MUC20: variants seen among roughly 807,000 people sequenced by gnomAD.
The protein encoded by MUC20 is mucin-20.
MUC20 carries 14 observed loss-of-function variants against 23.8 expected under a neutral mutation model. That is an observed-to-expected ratio of 0.59 (90% CI 0.39 to 0.92). The LOEUF is 0.92. Among genes scored for constraint, MUC20 ranks in the 40% least tolerant of loss-of-function variants. The probability of loss-of-function intolerance (pLI) is 0.00; values close to 1 mark genes in which losing one functional copy is unlikely to be tolerated. For synonymous variants in MUC20, 166 were observed against 279.3 expected, an observed-to-expected ratio of 0.59 and a Z score of 4.04; for missense variants, 375 against 668.8, an observed-to-expected ratio of 0.56 and a Z score of 4.85.
At chr3:195,728,106 G>A (rs910590141) in intron 2 of MUC20, among the ~76,000 whole-genome samples, 3 of 150,920 alleles carry the variant, frequency 2.0e-5, no homozygotes, top group Non-Finnish European at 2.9e-5. Context: ...AAGTGAAGGG[G>A]TGGCCTGCCC....
At chr3:195,722,590 A>G (rs534697010) in intron 1 of MUC20, 7 of 988,148 alleles carry the variant, frequency 7.1e-6, no homozygotes, top group Middle Eastern at 3.5e-4. Context: ...ACCCCCTTGG[A>G]CCCGAGAGGC....
intron 2 of MUC20, among the ~76,000 whole-genome samples, chr3:195,728,185 A>G (rs1712911279): frequency 6.6e-6 from 1 of 152,406 alleles, no homozygotes; most frequent in Admixed American, 6.5e-5. Context: ...GCACAGAGAC[A>G]AAGTATAGAG....
chr3:195,721,757 G>A (rs1307485533), intron 1 of MUC20: 1 of 152,990 alleles, frequency 6.5e-6, no homozygotes, highest in African/African-American at 2.4e-5. Context: ...GCCGGGCGTG[G>A]TGGCTCACAC....
chr3:195,730,726 C>G (rs919314076), intron 3 of MUC20, among the ~76,000 whole-genome samples: 6 of 152,164 alleles, frequency 3.9e-5, no homozygotes, highest in African/African-American at 1.4e-4. Context: ...GACTGACAAC[C>G]CAGTCAGGAT....
At position 195,726,052 on chromosome 3, in the gene MUC20, A is replaced by G; in HGVS notation, c.1449A>G (p.Thr483=). 6.2e-7 allele frequency: 1 copy of G among 1,613,936 alleles called. No homozygotes were observed. Among genetic ancestry groups the G allele is most frequent in the Non-Finnish European group, 8.5e-7 (1 of 1,179,832 alleles). ...CAGCCTCTGCCGAGACCCTGTCCAC[A>G]GCCGGCACCACAGAGTCAGCTGCAC... ...EVTASAETLS[T]AGTTESAAPD... Residue 483 remains threonine (T), a synonymous_variant, in exon 2 of 4, where the codon ACA becomes ACG. Coordinates refer to ENST00000447234, the MANE Select transcript of MUC20 (RefSeq NM_001282506.2).
chr3:195,726,962 C>T (rs1158443191), intron 2 of MUC20, among the ~76,000 whole-genome samples: 2 of 152,282 alleles, frequency 1.3e-5, no homozygotes, highest in Non-Finnish European at 2.9e-5. Flanking sequence ...GCTCTGGAAG[C>T]TTCTATTCCA....
intron 1 of MUC20, among the ~76,000 whole-genome samples, chr3:195,723,255 T>G (rs1456734761): frequency 2.3e-5 from 3 of 131,838 alleles, no homozygotes; most frequent in Admixed American, 7.4e-5. Context: ...GACAACCAGT[T>G]GGGGACCTGG....
At chr3:195,732,880 G>C (rs1244153451) in intron 3 of MUC20, among the ~76,000 whole-genome samples, 1 of 152,268 alleles carries the variant, frequency 6.6e-6, no homozygotes, top group South Asian at 2.1e-4. Flanking sequence ...GTGAATTCTA[G>C]TTCCCAACTG....
At chr3:195,729,596 G>A (rs2148705982) in intron 2 of MUC20, 52 bp from the exon 3 acceptor site, 8 of 1,510,116 alleles carry the variant, frequency 5.3e-6, no homozygotes, top group South Asian at 4.8e-5. Context: ...GATGACAGGT[G>A]TGAGCCACTG....
intron 3 of MUC20, among the ~76,000 whole-genome samples, chr3:195,730,774 G>A (rs1223911977): frequency 6.6e-6 from 1 of 152,198 alleles, no homozygotes; most frequent in African/African-American, 2.4e-5. Context: ...AAATAGGGAG[G>A]CTAGGCAGAA....
chr3:195,731,355 G>C (rs1713370089), intron 3 of MUC20, among the ~76,000 whole-genome samples: 1 of 152,254 alleles, frequency 6.6e-6, no homozygotes, highest in African/African-American at 2.4e-5. Flanking sequence ...CAGGTGGAAT[G>C]ATTGCCCTTA....
At chr3:195,729,778 G>A (rs1713174110) in intron 3 of MUC20, 39 bp downstream of exon 3, 1 of 1,556,196 alleles carries the variant, frequency 6.4e-7, no homozygotes. Flanking sequence ...GTAGAGGAAG[G>A]GGCGAGGTTC....
In MUC20 at chr3:195,729,674, C is replaced by T. The variant is rs11923495; in HGVS notation, c.1996C>T (p.Arg666Trp). ...AGENGGFLLL[R>W]LSVASPEDLT... The stretch of plus-strand genomic sequence containing the variant: ...TGAAAATGGAGGTTTCCTCCTCCTG[C>T]GGCTGAGTGTGGCTTCCCCGGAAGA... The change falls in exon 3 of 4, where the codon CGG becomes TGG. Residue 666 changes from arginine to tryptophan, a missense_variant. Physicochemically the swap from Arg to Trp is moderately radical, Grantham distance 101. Around this residue, in one of 4 missense-constraint regions of MUC20, gnomAD observed 343 missense variants for 340.2 expected, o/e 1.01. Coordinates refer to ENST00000447234, the MANE Select transcript of MUC20 (RefSeq NM_001282506.2). 0.023 allele frequency: 35,920 copies of T among 1,582,188 alleles called. 203 individuals carry two copies. Among genetic ancestry groups the T allele is most frequent in the African/African-American group, 0.14 (10,410 of 71,932 alleles).
At chr3:195,721,550 T>C (rs1359287886) in intron 1 of MUC20, among the ~76,000 whole-genome samples, 1 of 151,484 alleles carries the variant, frequency 6.6e-6, no homozygotes, top group African/African-American at 2.4e-5. Flanking sequence ...AAAATACAGA[T>C]TTCGTGTGAA....
In MUC20 at chr3:195,723,969, A is replaced by G. The variant is rs1366775575; in HGVS notation, c.77-711A>G. On this transcript the variant is annotated intron_variant, in intron 1 of 3. Transcript: ENST00000447234. The stretch of plus-strand genomic sequence containing the variant: ...AAGTGCTGGCAGCCGCTCTCTGAAA[A>G]GCTAGGTGTTGCCTCAGGGTCTCCC... Among the ~76,000 whole-genome samples the G allele has an allele frequency of 6.8e-5, 2 of 29,274 alleles. 1 individual carries two copies. The highest frequency in any genetic ancestry group is 1.2e-4 in the Non-Finnish European group (2 of 16,884). 19.2% of individuals were successfully genotyped at this position (29,274 alleles called of 152,430 possible).
At chr3:195,729,160 C>T (rs371460144) in intron 2 of MUC20, among the ~76,000 whole-genome samples, 4 of 152,228 alleles carry the variant, frequency 2.6e-5, no homozygotes, top group East Asian at 1.9e-4. Context: ...TGGAAAGGTA[C>T]GAAAAGGTTC....
Position 195,730,597 on chromosome 3 carries a change from G to C in MUC20, c.2061+858G>C, listed in dbSNP as rs375673520. Among the ~76,000 whole-genome samples, 4 of 152,000 alleles carry C rather than the reference G, an allele frequency of 2.6e-5. No individual in the cohort carries two copies. In the East Asian group the frequency reaches 7.7e-4, roughly 29 times the overall value. On this transcript the variant is annotated intron_variant, in intron 3 of 3. Transcript: ENST00000447234. ...AATCTCCTGACCTCGTGATCCACCC[G>C]TCTTGGCCTCCCAAAGTGCTGGGAT...
chr3:195,728,448 C>T (rs1370822814), intron 2 of MUC20, among the ~76,000 whole-genome samples: 1 of 152,310 alleles, frequency 6.6e-6, no homozygotes, highest in Non-Finnish European at 1.5e-5. Flanking sequence ...ATGTTTCTCT[C>T]CACCCAAACA....
chr3:195,731,483 A>G (rs143057406), intron 3 of MUC20, among the ~76,000 whole-genome samples: 42 of 152,364 alleles, frequency 2.8e-4, no homozygotes, highest in African/African-American at 9.9e-4. Context: ...AGTGCATAGA[A>G]TCAAAGCAAT....
Sources: gnomAD v4.1 joint callset for allele counts (sites outside exome capture counted in the v4.1 genomes callset) on GRCh38, gnomAD v4.1.1 for gene constraint, gnomAD v4.1.1 regional missense constraint, MANE v1.5 for transcripts, NCBI Gene and HGNC (gene_info 2026-07-23, HGNC 2026-07-21) for gene names.